The following EYS variants were observed in gnomAD, a reference collection of about 807,000 sequenced individuals.
The protein encoded by EYS is EGF-like photoreceptor maintenance factor.
Under a neutral mutation model 282.1 loss-of-function variants are expected in EYS, and 250 were observed. The observed-to-expected ratio is 0.89, with a 90% CI of 0.80 to 0.98. The LOEUF (loss-of-function observed/expected upper bound fraction) is 0.98, where lower values mean the gene tolerates loss of function less well. EYS is among the 50% of genes least tolerant of loss of function. EYS has a pLI of 0.00. For missense variants in EYS, 4,016 were observed against 3,709.0 expected, an observed-to-expected ratio of 1.08 and a Z score of -2.15; for synonymous variants, 1,355 against 1,282.9, an observed-to-expected ratio of 1.06 and a Z score of -1.20.
chr6:64,985,712 T>C (rs1428377860), intron 14 of EYS, among the ~76,000 whole-genome samples: 2 of 151,606 alleles, frequency 1.3e-5, no homozygotes, highest in Non-Finnish European at 3.0e-5. Context: ...CTGATTCTTT[T>C]ACTATAAATA....
chr6:64,679,198 T>G (rs1583031289), intron 22 of EYS, among the ~76,000 whole-genome samples: 1 of 1,142 alleles, frequency 8.8e-4, no homozygotes, highest in Non-Finnish European at 0.5. Flanking sequence ...CTGATGGTTC[T>G]TTTTTTTTAT....
rs1003567093 is a variant in EYS, at chr6:65,038,247, A to T, written c.2137+19367T>A. On this transcript the variant is annotated intron_variant, in intron 13 of 42. Transcript: ENST00000503581. ...TTAAAGATATAATACATTTTCATAA[A>T]CAGAAAATTCCTTCTGTCCCCTTCC... 4.6e-5 allele frequency among the ~76,000 whole-genome samples: 7 copies of T among 151,714 alleles called. No homozygotes were observed. In the East Asian group the frequency reaches 1.4e-3, roughly 29 times the overall value.
intron 22 of EYS, among the ~76,000 whole-genome samples, chr6:64,679,539 G>A (rs1413103252): frequency 6.6e-6 from 1 of 152,024 alleles, no homozygotes; most frequent in African/African-American, 2.4e-5. Context: ...CGCATTTTCA[G>A]TATAGAGTCC....
chr6:64,617,664 G>A (rs1348834232), intron 23 of EYS, 131 bp from the exon 24 acceptor site: 1 of 636,894 alleles, frequency 1.6e-6, no homozygotes, highest in Non-Finnish European at 2.8e-6. Context: ...AATTACCTCA[G>A]TGTATCTTCA....
intron 29 of EYS, among the ~76,000 whole-genome samples, chr6:64,334,918 G>A (rs1003320947): frequency 9.2e-5 from 14 of 152,022 alleles, no homozygotes; most frequent in African/African-American, 3.4e-4. Context: ...TTTAATAATA[G>A]GCTTTGTGGC....
At position 65,494,444 on chromosome 6, in the gene EYS, AT is replaced by A. The variant is rs375015756; in HGVS notation, c.748+218del. ...AGGCGCCCTCCACCATGCTCGGCTA[AT>A]TTTTTTTTTGTATTTTTAGTAGAGA... is the stretch of plus-strand genomic sequence containing the variant. On this transcript the variant is annotated intron_variant, in intron 4 of 42. Coordinates refer to ENST00000503581, the MANE Select transcript of EYS (RefSeq NM_001142800.2). Among the ~76,000 whole-genome samples, 441 of 147,582 alleles carry A rather than the reference AT, an allele frequency of 3.0e-3. 1 individual carries two copies. Among genetic ancestry groups the A allele is most frequent in the Non-Finnish European group, 5.3e-3 (351 of 66,448 alleles).
At position 65,347,190 on chromosome 6, in the gene EYS, C is replaced by A. The variant is rs190712076; in HGVS notation, c.1460-3013G>T. On this transcript the variant is annotated intron_variant, in intron 9 of 42. Coordinates refer to ENST00000503581, the MANE Select transcript of EYS (RefSeq NM_001142800.2). ...GTCCAATTCTAAAATTTTTACCAGG[C>A]TAAGAGGAGAAAAATTATATACTTA... Among the ~76,000 whole-genome samples the A allele has an allele frequency of 5.3e-5, 8 of 151,768 alleles. No individual in the cohort carries two copies. In the East Asian group the frequency reaches 1.4e-3, roughly 26 times the overall value.
At chr6:65,400,279 T>C (rs1766443905) in intron 7 of EYS, among the ~76,000 whole-genome samples, 1 of 152,058 alleles carries the variant, frequency 6.6e-6, no homozygotes, top group African/African-American at 2.4e-5. Context: ...GCAGTTGCTG[T>C]ATTTCACAAA....
At position 65,353,407 on chromosome 6, in the gene EYS, A is replaced by G. The variant is rs774135850; in HGVS notation, c.1459+51T>C. The G allele has an allele frequency of 3.4e-5, 53 of 1,550,198 alleles. 2 individuals carry two copies. The South Asian group carries it at 5.3e-4, about 15-fold the overall frequency. On this transcript the variant is annotated intron_variant, in intron 9 of 42. Coordinates refer to ENST00000503581, the MANE Select transcript of EYS (RefSeq NM_001142800.2). ...TTTAGAAAATGAATACGTGACTAGCAAATTTTGAAATGATTCAAGCAGATT... is the reference window on the plus strand; with the variant it reads ...TTTAGAAAATGAATACGTGACTAGCGAATTTTGAAATGATTCAAGCAGATT...
chr6:65,528,462 A>C (rs1767648587), intron 2 of EYS, among the ~76,000 whole-genome samples: 1 of 152,196 alleles, frequency 6.6e-6, no homozygotes, highest in Non-Finnish European at 1.5e-5. Flanking sequence ...CACAATTAAG[A>C]GGTAGGACTT....
intron 18 of EYS, among the ~76,000 whole-genome samples, chr6:64,898,736 T>A: frequency 7.1e-6 from 1 of 139,952 alleles, no homozygotes. Flanking sequence ...ACATATAAGC[T>A]CAAAATAAAG....
chr6:65,622,848 C>G (rs1484742740), intron 2 of EYS, among the ~76,000 whole-genome samples: 2 of 151,436 alleles, frequency 1.3e-5, no homozygotes, highest in Non-Finnish European at 2.9e-5. Context: ...GCTTCAACCT[C>G]TCGGGTCCGG....
At position 63,979,635 on chromosome 6, in the gene EYS, G is replaced by A. The variant is rs1025293939; in HGVS notation, c.7055+4748C>T. ...TATTTAAAAACATATGGCTCAGAAA[G>A]GGGAAAGTGATGTAAATATTATCTG... On this transcript the variant is annotated intron_variant, in intron 35 of 42. Transcript: ENST00000503581. 3.3e-5 allele frequency among the ~76,000 whole-genome samples: 5 copies of A among 151,952 alleles called. No individual in the cohort carries two copies. The East Asian group carries it at 7.8e-4, about 24-fold the overall frequency.
intron 13 of EYS, among the ~76,000 whole-genome samples, chr6:65,051,041 A>G: frequency 6.6e-6 from 1 of 151,604 alleles, no homozygotes. Context: ...CAGATAAGAC[A>G]TTTGCTTTGC....
At chr6:64,502,359 G>C (rs943945712) in intron 26 of EYS, among the ~76,000 whole-genome samples, 3 of 152,008 alleles carry the variant, frequency 2.0e-5, no homozygotes, top group Non-Finnish European at 4.4e-5. Context: ...TCCTGCCTCA[G>C]CCTCCCGAGT....
At chr6:65,279,298 A>G (rs1171542503) in intron 12 of EYS, among the ~76,000 whole-genome samples, 2 of 151,816 alleles carry the variant, frequency 1.3e-5, no homozygotes, top group Admixed American at 1.3e-4. Context: ...TGACTTTCTC[A>G]TAGTTATTTC....
chr6:65,459,514 AC>A (rs1764741037), intron 5 of EYS, among the ~76,000 whole-genome samples: 1 of 152,036 alleles, frequency 6.6e-6, no homozygotes, highest in African/African-American at 2.4e-5. Flanking sequence ...ATAAGAATGT[AC>A]ATATAATGAA....
intron 28 of EYS, among the ~76,000 whole-genome samples, chr6:64,417,493 T>G (rs550581254): frequency 2.6e-5 from 4 of 152,174 alleles, no homozygotes; most frequent in Admixed American, 6.5e-5. Context: ...TACATATTGT[T>G]GGTGGTGAAT....
chr6:65,270,528 A>AT (rs952364672), intron 12 of EYS, among the ~76,000 whole-genome samples: 12 of 151,736 alleles, frequency 7.9e-5, no homozygotes, highest in South Asian at 6.2e-4. Flanking sequence ...ACACTTTCTC[A>AT]TTTTTTTTGT....
Sources: allele counts gnomAD v4.1 joint callset (sites outside exome capture counted in the v4.1 genomes callset), GRCh38; gene constraint gnomAD v4.1.1; transcripts MANE v1.5; gene names NCBI Gene and HGNC (gene_info 2026-07-23, HGNC 2026-07-21).